The following SRP72 variants were observed in gnomAD, a reference collection of about 807,000 sequenced individuals.
SRP72 encodes the protein signal recognition particle subunit SRP72.
In SRP72, 49 loss-of-function variants were observed where a neutral mutation model predicts 96.3. That is an observed-to-expected ratio of 0.51 (90% CI 0.40 to 0.65). The LOEUF (loss-of-function observed/expected upper bound fraction) is 0.65. SRP72 is among the 30% of genes least tolerant of loss of function. The pLI is 0.00. For missense variants in SRP72, 736 were observed against 793.3 expected (o/e 0.93, Z 0.87); for synonymous variants, 267 against 275.2 (o/e 0.97, Z 0.30).
chr4:56,495,106 A>G (rs1721030559), intron 16 of SRP72, among the ~76,000 whole-genome samples: 2 of 152,214 alleles, frequency 1.3e-5, no homozygotes, highest in African/African-American at 4.8e-5. Context: ...AACTTTTTTC[A>G]GTGTAAACAG....
rs1721310649 is a variant in SRP72, at chr4:56,502,746, C to G, written c.*885C>G. 6.6e-6 allele frequency: 1 copy of G among 152,026 alleles called. No individual in the cohort carries two copies. The highest frequency in any genetic ancestry group is 6.6e-5 in the Admixed American group (1 of 15,240). 9.4% of individuals were successfully genotyped at this position (152,026 alleles called of 1,614,324 possible). On this transcript the variant is annotated 3_prime_UTR_variant, in exon 19 of 19. Transcript: ENST00000642900. ...TCCTCCATAGAGAAGAAATCAGTAT[C>G]TGAGTTGCATACCAGGCAGTATTAA...
intron 5 of SRP72, chr4:56,474,629 T>C: frequency 1.8e-6 from 1 of 542,818 alleles, no homozygotes; most frequent in Non-Finnish European, 3.2e-6. Context: ...CTGCAACCTC[T>C]GTCTCCCGAG....
chr4:56,477,357 TGC>T (rs1720285675), intron 6 of SRP72, among the ~76,000 whole-genome samples: 1 of 147,820 alleles, frequency 6.8e-6, no homozygotes. Flanking sequence ...CAGGCTGGAT[TGC>T]TGTGATATGA....
intron 16 of SRP72, among the ~76,000 whole-genome samples, chr4:56,494,465 C>T (rs1253730790): frequency 2.0e-5 from 3 of 147,780 alleles, no homozygotes; most frequent in African/African-American, 7.6e-5. Flanking sequence ...AGTGCAGTGG[C>T]GCAATCTCGC....
In SRP72 at chr4:56,469,666, C is replaced by A; in HGVS notation, c.123C>A (p.Asn41Lys). 6.2e-7 allele frequency: 1 copy of A among 1,604,816 alleles called. No individual in the cohort carries two copies. Among genetic ancestry groups the A allele is most frequent in the Non-Finnish European group, 8.5e-7 (1 of 1,173,458 alleles). ...ATTGTTCTCTAGTACTACAGATCAA[C>A]AAAGATGACGTAACTGCCCTGCATT... is the stretch of plus-strand genomic sequence containing the variant. ...LKTVNKILQI[N>K]KDDVTALHCK... The change falls in exon 2 of 19, where the codon AAC becomes AAA. Residue 41 changes from asparagine to lysine, a missense_variant. Physicochemically the swap from Asn to Lys is moderately conservative, Grantham distance 94. This residue lies in a region of SRP72 where 329 missense variants were observed against 319.0 expected (regional missense o/e 1.03). Transcript: ENST00000642900.
intron 11 of SRP72, 22 bp from the exon 12 acceptor site, chr4:56,487,927 T>C: frequency 6.4e-7 from 1 of 1,558,772 alleles, no homozygotes; most frequent in Non-Finnish European, 8.7e-7. Context: ...TATGTAATGC[T>C]GATTTTGTTT....
intron 17 of SRP72, among the ~76,000 whole-genome samples, chr4:56,496,362 T>A (rs1354010911): frequency 6.6e-6 from 1 of 152,222 alleles, no homozygotes; most frequent in Admixed American, 6.5e-5. Context: ...ATGTGTTTTA[T>A]TACCATTTTA....
chr4:56,478,246 G>A, intron 6 of SRP72, 133 bp from the exon 7 acceptor site: 2 of 684,636 alleles, frequency 2.9e-6, no homozygotes, highest in Non-Finnish European at 4.1e-6. Flanking sequence ...TGTTTCTAAA[G>A]AACTGACTCT....
chr4:56,497,068 G>A lies in SRP72; in HGVS notation c.1678+1674G>A, dbSNP rs907541578. 3.9e-5 allele frequency among the ~76,000 whole-genome samples: 6 copies of A among 152,120 alleles called. No individual in the cohort carries two copies. The East Asian group carries it at 5.8e-4, about 15-fold the overall frequency. ...TTTATATGTATATACAGAATCAAAC[G>A]TATCATTAGGTACTCAAAGTTTTTA... is the stretch of plus-strand genomic sequence containing the variant. On this transcript the variant is annotated intron_variant, in intron 17 of 18. Coordinates refer to ENST00000642900, the MANE Select transcript of SRP72 (RefSeq NM_006947.4).
intron 18 of SRP72, among the ~76,000 whole-genome samples, chr4:56,501,265 GGGTGT>G (rs1252782664): frequency 6.6e-6 from 1 of 151,896 alleles, no homozygotes; most frequent in Non-Finnish European, 1.5e-5. Context: ...AAAATTAGCC[GGGTGT>G]GGTAGTGCGC....
Position 56,501,828 on chromosome 4 carries a change from G to A in SRP72, c.1983G>A (p.Gln661=). ...CAGCAACAAAAAAGAAACAGCAACA[G>A]AAAAAGAAGAAAGGTGGAAAAGGTG... ...GAPATKKKQQ[Q]KKKKGGKGGW Residue 661 remains glutamine, a synonymous_variant, in exon 19 of 19, where the codon CAG becomes CAA. Transcript: ENST00000642900. 5.0e-6 allele frequency: 8 copies of A among 1,614,050 alleles called. No homozygotes were observed. Among genetic ancestry groups the A allele is most frequent in the Non-Finnish European group, 6.8e-6 (8 of 1,180,000 alleles).
At chr4:56,486,519 T>C in intron 11 of SRP72, 122 bp downstream of exon 11, 1 of 709,544 alleles carries the variant, frequency 1.4e-6, no homozygotes, top group Non-Finnish European at 2.2e-6. Flanking sequence ...TAATTACTGT[T>C]TCAAACATGC....
rs567718407 is a variant in SRP72, at chr4:56,467,774, C to G, written c.109+30C>G. ...GTGTCGGGGTGGGCACTGGGGCGGG[C>G]CCAGGCCGGCTGGAGGATGCGGCCT... On this transcript the variant is annotated intron_variant, in intron 1 of 18. Transcript: ENST00000642900. The G allele has an allele frequency of 8.2e-5, 119 of 1,448,176 alleles. 1 individual carries two copies. The African/African-American group carries it at 1.6e-3, about 20-fold the overall frequency. The allele number at this position is 1,448,176 out of a possible 1,614,324, so 89.7% of individuals were successfully genotyped here.
intron 8 of SRP72, among the ~76,000 whole-genome samples, chr4:56,482,611 A>G (rs986682540): frequency 1.3e-5 from 2 of 152,204 alleles, no homozygotes; most frequent in Non-Finnish European, 2.9e-5. Flanking sequence ...GGAACCAAAC[A>G]CGAAATATCT....
intron 6 of SRP72, chr4:56,476,967 G>A: frequency 5.0e-6 from 2 of 402,254 alleles, no homozygotes; most frequent in South Asian, 4.5e-5. Context: ...TAGGATGTAG[G>A]ACTAAGGTCT....
At position 56,491,462 on chromosome 4, in the gene SRP72, A is replaced by T. The variant is rs1447275630; in HGVS notation, c.1534A>T (p.Met512Leu). ...TAAACACTTGCCATCGTCAGATAGT[A>T]TGTCTCTAAAAGTAGATGTTGAGGC... Reference protein sequence around the residue: ...LSKHLPSSDSMSLKVDVEALE... With the variant: ...LSKHLPSSDSLSLKVDVEALE... The change falls in exon 16 of 19, where the codon ATG (methionine) becomes TTG (leucine). Residue 512 changes from methionine to leucine, a missense_variant. Physicochemically the swap from Met to Leu is conservative, Grantham distance 15. This residue lies in a region of SRP72 where 388 missense variants were observed against 431.8 expected (regional missense o/e 0.90). Transcript: ENST00000642900. 5 of 1,613,824 alleles carry T rather than the reference A, an allele frequency of 3.1e-6. No homozygotes were observed. In the African/African-American group the frequency reaches 6.7e-5, roughly 22 times the overall value.
At chr4:56,491,876 GTTGAGACAGAGTC>G (rs1720919966) in intron 16 of SRP72, among the ~76,000 whole-genome samples, 1 of 150,358 alleles carries the variant, frequency 6.7e-6, no homozygotes, top group Admixed American at 6.6e-5. Flanking sequence ...TTGTTTGTTT[GTTGAGACAGAGTC>G]TTGCTCTGTC....
In SRP72 at chr4:56,468,381, C is replaced by G. The variant is rs947809789; in HGVS notation, c.109+637C>G. On this transcript the variant is annotated intron_variant, in intron 1 of 18. Coordinates refer to ENST00000642900, the MANE Select transcript of SRP72 (RefSeq NM_006947.4). ...AAATAATGTCGGAAGAAAAGTTTGG[C>G]CTGTTTTTTTGCCCTGTAAGGGATG... Among the ~76,000 whole-genome samples, 3 of 152,120 alleles carry G rather than the reference C, an allele frequency of 2.0e-5. 1 individual carries two copies. Among genetic ancestry groups the G allele is most frequent in the Admixed American group, 6.5e-5 (1 of 15,268 alleles).
At chr4:56,497,659 TA>T (rs35264552) in intron 17 of SRP72, among the ~76,000 whole-genome samples, 2 of 151,154 alleles carry the variant, frequency 1.3e-5, no homozygotes, top group Non-Finnish European at 2.9e-5. Context: ...TATCCATCTT[TA>T]AAAAAAAAGA....
Sources: allele counts gnomAD v4.1 joint callset (sites outside exome capture counted in the v4.1 genomes callset), GRCh38; gene constraint gnomAD v4.1.1; regional missense constraint gnomAD v4.1.1; transcripts MANE v1.5; gene names NCBI Gene and HGNC (gene_info 2026-07-23, HGNC 2026-07-21).